TOGARAM2: variants seen among roughly 807,000 people sequenced by gnomAD.
TOGARAM2 encodes TOG array regulator of axonemal microtubules 2, also known as TOG array regulator of axonemal microtubules protein 2.
Under a neutral mutation model 93.3 loss-of-function variants are expected in TOGARAM2, and 85 were observed. That is an observed-to-expected ratio of 0.91 (90% confidence interval 0.76 to 1.09). The LOEUF (loss-of-function observed/expected upper bound fraction) is 1.09, where lower values mean the gene tolerates loss of function less well. TOGARAM2 is among the 50% of genes least tolerant of loss of function. TOGARAM2 has a pLI of 0.00. For synonymous variants in TOGARAM2, 593 were observed against 552.8 expected (o/e 1.07, Z -1.02); for missense variants, 1,277 against 1,334.5 (o/e 0.96, Z 0.67).
intron 1 of TOGARAM2, among the ~76,000 whole-genome samples, chr2:28,973,457 T>TCCTTCCTTCCTG (rs1372399649): frequency 4.0e-5 from 5 of 126,144 alleles, no homozygotes; most frequent in Non-Finnish European, 8.4e-5. Context: ...CTTCCTTCCT[T>TCCTTCCTTCCTG]CCTTCCTTCC....
In TOGARAM2 at chr2:29,032,938, T is replaced by G; in HGVS notation, c.2017T>G (p.Tyr673Asp). ...AQDSNQDTRF[Y>D]GRKMVNILMA... is the part of the protein sequence containing the mutation. ...TTGCTCTCTCTCCTGTGGCAGATTTTATGGCCGGAAGATGGTGAATATCTT... is the reference window on the plus strand; with the variant it reads ...TTGCTCTCTCTCCTGTGGCAGATTTGATGGCCGGAAGATGGTGAATATCTT... The change falls in exon 15 of 20, where the codon TAT (tyrosine) becomes GAT (aspartate). Residue 673 changes from tyrosine (Y) to aspartate (D), a missense_variant. By Grantham distance (160) the Tyr-to-Asp change is radical. Transcript: ENST00000379558. The G allele has an allele frequency of 6.2e-7, 1 of 1,613,400 alleles. No homozygotes were observed. Among genetic ancestry groups the G allele is most frequent in the Non-Finnish European group, 8.5e-7 (1 of 1,179,638 alleles).
intron 13 of TOGARAM2, among the ~76,000 whole-genome samples, chr2:29,025,575 T>A (rs551394772): frequency 6.6e-6 from 1 of 152,218 alleles, no homozygotes; most frequent in East Asian, 1.9e-4. Flanking sequence ...TCCGCTGGGA[T>A]CTTGCTGAAA....
chr2:29,010,681 T>C (rs1458892118), intron 6 of TOGARAM2, among the ~76,000 whole-genome samples: 1 of 151,482 alleles, frequency 6.6e-6, no homozygotes, highest in African/African-American at 2.4e-5. Flanking sequence ...GGGAAAGCCA[T>C]GTAGGACGCT....
At position 29,017,843 on chromosome 2, in the gene TOGARAM2, G is replaced by C; in HGVS notation, c.1247G>C (p.Ser416Thr). ...ACACTGTCTGTGCCCACTAGGCTGA[G>C]CGGCCCATGCAGAAACGACGTCAGC... ...SGTLSVPTRLSGPCRNDVSII... is the reference protein window; with the variant it reads ...SGTLSVPTRLTGPCRNDVSII... The change falls in exon 10 of 20, where the codon AGC (serine) becomes ACC (threonine). Residue 416 changes from serine to threonine, a missense_variant. Physicochemically the swap from Ser to Thr is moderately conservative, Grantham distance 58 (BLOSUM62 1). Transcript: ENST00000379558. The C allele has an allele frequency of 6.2e-7, 1 of 1,613,532 alleles. No individual in the cohort carries two copies. The highest frequency in any genetic ancestry group is 1.7e-5 in the Admixed American group (1 of 59,996).
intron 1 of TOGARAM2, among the ~76,000 whole-genome samples, chr2:28,970,714 C>T (rs571162626): frequency 6.6e-6 from 1 of 152,232 alleles, no homozygotes; most frequent in Non-Finnish European, 1.5e-5. Context: ...TGCGCCCACT[C>T]TATTGGCTGA....
chr2:28,978,169 A>G (rs1015728701), upstream of TOGARAM2, among the ~76,000 whole-genome samples: 6 of 152,134 alleles, frequency 3.9e-5, no homozygotes. Flanking sequence ...GGCCTCCTAA[A>G]GTGCTGGGAT....
Position 29,017,936 on chromosome 2 carries a change from G to C in TOGARAM2, c.1340G>C (p.Arg447Pro). 5.0e-6 allele frequency: 8 copies of C among 1,604,588 alleles called. No individual in the cohort carries two copies. Among genetic ancestry groups the C allele is most frequent in the Non-Finnish European group, 6.8e-6 (8 of 1,175,222 alleles). Residue 447 changes from arginine (R) to proline (P), a missense_variant, in exon 10 of 20, where the codon CGC becomes CCC. Arg to Pro is a moderately radical substitution (Grantham distance 103). Coordinates refer to ENST00000379558, the MANE Select transcript of TOGARAM2 (RefSeq NM_199280.4). ...ATCCCCATCAGCCGGCAGGAGCCCCGCTTTGCCCGCCACGCCTCAGGTGGG... is the reference window on the plus strand; with the variant it reads ...ATCCCCATCAGCCGGCAGGAGCCCCCCTTTGCCCGCCACGCCTCAGGTGGG... ...PSIPISRQEP[R>P]FARHASANSL...
At chr2:29,033,133 A>G in intron 15 of TOGARAM2, 82 bp downstream of exon 15, 1 of 1,152,564 alleles carries the variant, frequency 8.7e-7, no homozygotes, top group Non-Finnish European at 1.3e-6. Flanking sequence ...CATGTGGGTC[A>G]GGGGAGTGGG....
intron 1 of TOGARAM2, 137 bp from the exon 2 acceptor site, chr2:28,994,588 A>G: frequency 2.4e-6 from 1 of 417,172 alleles, no homozygotes; most frequent in Non-Finnish European, 4.4e-6. Context: ...GTCCAATGTC[A>G]GAAAAATGGC....
At chr2:28,997,565 G>T (rs1260913002) in intron 2 of TOGARAM2, among the ~76,000 whole-genome samples, 1 of 152,202 alleles carries the variant, frequency 6.6e-6, no homozygotes, top group Non-Finnish European at 1.5e-5. Context: ...GCGGATAGAG[G>T]GTGTCTTTTG....
intron 14 of TOGARAM2, chr2:29,032,726 A>C (rs1558457339): frequency 2.0e-6 from 1 of 507,244 alleles, no homozygotes; most frequent in Non-Finnish European, 3.5e-6. Flanking sequence ...AAAATATGTA[A>C]AAATTTAATA....
chr2:28,993,493 C>T (rs909195642), intron 1 of TOGARAM2, among the ~76,000 whole-genome samples: 3 of 152,214 alleles, frequency 2.0e-5, no homozygotes, highest in Admixed American at 2.0e-4. Context: ...AGAATCTTCC[C>T]TCGCCTTGTC....
intron 18 of TOGARAM2, among the ~76,000 whole-genome samples, chr2:29,039,297 G>C (rs1666296332): frequency 6.6e-6 from 1 of 152,172 alleles, no homozygotes; most frequent in Non-Finnish European, 1.5e-5. Flanking sequence ...TGGGCTCCAG[G>C]CTGGAGACGA....
At chr2:29,003,298 A>C (rs1228600870) in intron 5 of TOGARAM2, among the ~76,000 whole-genome samples, 194 bp from the exon 6 acceptor site, 1 of 152,222 alleles carries the variant, frequency 6.6e-6, no homozygotes, top group African/African-American at 2.4e-5. Context: ...CAGAAAAACG[A>C]ATAATAATAG....
In TOGARAM2 at chr2:29,038,389, G is replaced by A. The variant is rs550072213; in HGVS notation, c.2635+1632G>A. On this transcript the variant is annotated intron_variant, in intron 18 of 19. Coordinates refer to ENST00000379558, the MANE Select transcript of TOGARAM2 (RefSeq NM_199280.4). ...GCTTAGGCTGGAATGGAATGGTGTG[G>A]CCCTCAAAGGGATGAATGGAGTCCA... is the stretch of plus-strand genomic sequence containing the variant. 1.6e-4 allele frequency among the ~76,000 whole-genome samples: 24 copies of A among 152,312 alleles called. No homozygotes were observed. In the South Asian group the frequency reaches 5.0e-3, roughly 32 times the overall value.
At chr2:29,014,711 A>T (rs574886385) in intron 8 of TOGARAM2, 150 bp downstream of exon 8, 49 of 980,052 alleles carry the variant, frequency 5.0e-5, no homozygotes, top group Admixed American at 2.3e-4. Flanking sequence ...ACTAAAGGCC[A>T]GAACCTGCAG....
chr2:29,029,879 A>G (rs959304445), intron 14 of TOGARAM2, among the ~76,000 whole-genome samples: 6 of 152,170 alleles, frequency 3.9e-5, no homozygotes, highest in African/African-American at 1.4e-4. Flanking sequence ...GGTGCACCAA[A>G]ATCTCACGAA....
chr2:29,051,991 CTT>C lies in TOGARAM2; in HGVS notation c.2959_2960del (p.Leu987ArgfsTer13). On this transcript the variant is annotated frameshift_variant, in exon 20 of 20. Coordinates refer to ENST00000379558, the MANE Select transcript of TOGARAM2 (RefSeq NM_199280.4). LOFTEE classifies it low-confidence loss of function (END_TRUNC). Reference sequence around the variant, plus strand: ...ACGTCCTCAAGACGCTCCAGGAACTCTTAGACTCAGAGTCCTTGGGAGGCAGC... The same window carrying C: ...ACGTCCTCAAGACGCTCCAGGAACTCAGACTCAGAGTCCTTGGGAGGCAGC... ...KHVLKTLQEL[L>X]DSESLGGSRK... The C allele has an allele frequency of 6.2e-7, 1 of 1,613,372 alleles. No homozygotes were observed. The highest frequency in any genetic ancestry group is 2.2e-5 in the East Asian group (1 of 44,886).
chr2:29,002,600 C>G lies in TOGARAM2; in HGVS notation c.492C>G (p.Thr164=). The G allele has an allele frequency of 6.2e-7, 1 of 1,613,934 alleles. No individual in the cohort carries two copies. Among genetic ancestry groups the G allele is most frequent in the East Asian group, 2.2e-5 (1 of 44,900 alleles). ...VPLHSTIPRA[T]SQRLLRVPRP... ...TGCACAGCACCATCCCCCGAGCCACCTCTCAGAGGCTGCTGAGGGTGCCCA... is the reference window on the plus strand; with the variant it reads ...TGCACAGCACCATCCCCCGAGCCACGTCTCAGAGGCTGCTGAGGGTGCCCA... The change falls in exon 5 of 20, where the codon ACC becomes ACG. Residue 164 remains threonine (T), a synonymous_variant. Coordinates refer to ENST00000379558, the MANE Select transcript of TOGARAM2 (RefSeq NM_199280.4).
Sources: allele counts gnomAD v4.1 joint callset (sites outside exome capture counted in the v4.1 genomes callset), GRCh38; gene constraint gnomAD v4.1.1; transcripts MANE v1.5; gene names NCBI Gene and HGNC (gene_info 2026-07-23, HGNC 2026-07-21).